The following EYS variants were observed in gnomAD, a reference collection of about 807,000 sequenced individuals.
EYS encodes the protein protein eyes shut homolog.
In EYS, 250 loss-of-function variants were observed where a neutral mutation model predicts 282.1. The ratio of observed to expected loss-of-function variants is 0.89; its 90% CI spans 0.80 to 0.98. The LOEUF is 0.98. Ranked by LOEUF, EYS falls within the 50% of genes least tolerant of loss-of-function variation. The pLI is 0.00. For missense variants in EYS, 4,016 were observed against 3,709.0 expected, an observed-to-expected ratio of 1.08 and a Z score of -2.15; for synonymous variants, 1,355 against 1,282.9, an observed-to-expected ratio of 1.06 and a Z score of -1.20.
At chr6:65,331,681 T>C in intron 11 of EYS, 2 of 979,632 alleles carry the variant, frequency 2.0e-6, no homozygotes, top group Non-Finnish European at 2.4e-6. Flanking sequence ...AAACGAAGGA[T>C]AATTTTCTTA....
intron 14 of EYS, among the ~76,000 whole-genome samples, chr6:64,992,458 A>G (rs1771097036): frequency 6.6e-6 from 1 of 151,878 alleles, no homozygotes; most frequent in Non-Finnish European, 1.5e-5. Context: ...GAAGTTTAAC[A>G]TTTTAGACTA....
At chr6:65,051,999 C>A (rs1033711649) in intron 13 of EYS, among the ~76,000 whole-genome samples, 3 of 151,536 alleles carry the variant, frequency 2.0e-5, no homozygotes, top group Non-Finnish European at 4.4e-5. Context: ...GACACTTCCT[C>A]AATTTTGTCA....
Position 65,483,557 on chromosome 6 carries a change from C to T in EYS, c.862+7037G>A, listed in dbSNP as rs551189599. On this transcript the variant is annotated intron_variant, in intron 5 of 42. Transcript: ENST00000503581. ...ATAATATTGATTATGAATCCAGACT[C>T]ATATTTCAAATAATATATATTAATA... Among the ~76,000 whole-genome samples the T allele has an allele frequency of 2.1e-3, 313 of 152,058 alleles. 2 individuals carry two copies. The highest frequency in any genetic ancestry group is 7.3e-3 in the African/African-American group (302 of 41,496).
intron 11 of EYS, chr6:65,332,506 T>C: frequency 9.2e-7 from 1 of 1,088,606 alleles, no homozygotes; most frequent in Non-Finnish European, 1.4e-6. Flanking sequence ...TTATTCAGAG[T>C]ATATACAATT....
At chr6:64,680,812 T>TG (rs1422523077) in intron 22 of EYS, among the ~76,000 whole-genome samples, 1 of 151,930 alleles carries the variant, frequency 6.6e-6, no homozygotes, top group African/African-American at 2.4e-5. Context: ...CCTGGAGGAG[T>TG]GACTCAGAGA....
intron 9 of EYS, among the ~76,000 whole-genome samples, chr6:65,345,616 T>G (rs1770362291): frequency 6.6e-6 from 1 of 151,818 alleles, no homozygotes; most frequent in African/African-American, 2.4e-5. Flanking sequence ...ACTAGTATTT[T>G]TTTAGAAATT....
intron 11 of EYS, among the ~76,000 whole-genome samples, chr6:65,313,083 A>G (rs184100732): frequency 1.5e-3 from 231 of 152,186 alleles, no homozygotes; most frequent in Non-Finnish European, 2.9e-3. Flanking sequence ...CACACCTCTT[A>G]AAGAGCATCT....
intron 26 of EYS, among the ~76,000 whole-genome samples, chr6:64,545,392 T>A (rs1258732226): frequency 2.6e-5 from 4 of 152,172 alleles, no homozygotes; most frequent in Non-Finnish European, 5.9e-5. Context: ...GAGCTATCTA[T>A]GACAAACCCA....
At position 64,854,003 on chromosome 6, in the gene EYS, T is replaced by A. The variant is rs1404727377; in HGVS notation, c.2993-31181A>T. ...AGCCAACAGACACATGAAAAAATGC[T>A]CATCATCACTGGCCATCAGAGAAAT... On this transcript the variant is annotated intron_variant, in intron 19 of 42. Transcript: ENST00000503581. 4.6e-5 allele frequency among the ~76,000 whole-genome samples: 7 copies of A among 152,094 alleles called. 1 individual carries two copies. Among genetic ancestry groups the A allele is most frequent in the African/African-American group, 1.7e-4 (7 of 41,468 alleles).
At chr6:64,313,439 A>C (rs898327860) in intron 29 of EYS, among the ~76,000 whole-genome samples, 7 of 152,156 alleles carry the variant, frequency 4.6e-5, no homozygotes, top group African/African-American at 1.7e-4. Context: ...GGAGAATGGA[A>C]CCAAATTGGA....
chr6:65,369,306 A>AATATATATATTATATATATATATTTATAT (rs1765040720), intron 8 of EYS, among the ~76,000 whole-genome samples: 2 of 59,874 alleles, frequency 3.3e-5, no homozygotes, highest in African/African-American at 7.0e-5. Context: ...ATTTATGTAT[A>AATATATATATTATATATATATATTTATAT]ATATATATAT....
At chr6:64,928,820 G>C (rs1768602800) in intron 15 of EYS, among the ~76,000 whole-genome samples, 1 of 152,002 alleles carries the variant, frequency 6.6e-6, no homozygotes, top group African/African-American at 2.4e-5. Flanking sequence ...ACCTAATACG[G>C]AATGATTTTT....
At chr6:64,124,722 C>G (rs1457571299) in intron 31 of EYS, among the ~76,000 whole-genome samples, 2 of 152,122 alleles carry the variant, frequency 1.3e-5, no homozygotes, top group African/African-American at 4.8e-5. Context: ...TTCTTGATTA[C>G]TGGTATGTTG....
intron 12 of EYS, among the ~76,000 whole-genome samples, chr6:65,089,134 G>T (rs867000736): frequency 1.3e-5 from 2 of 152,208 alleles, no homozygotes; most frequent in Non-Finnish European, 1.5e-5. Context: ...GAAGGGAAAT[G>T]TGGGATTGGA....
chr6:64,110,180 T>TA (rs144672226), intron 31 of EYS, among the ~76,000 whole-genome samples: 3 of 152,064 alleles, frequency 2.0e-5, no homozygotes, highest in African/African-American at 4.8e-5. Flanking sequence ...TCTTTTTTTT[T>TA]AAAAAGTAAG....
At chr6:64,895,701 G>A (rs1411925964) in intron 18 of EYS, among the ~76,000 whole-genome samples, 1 of 152,114 alleles carries the variant, frequency 6.6e-6, no homozygotes, top group African/African-American at 2.4e-5. Flanking sequence ...GTGAGTGAAA[G>A]ATGAACTTAA....
At chr6:63,948,455 TGATG>T (rs1765464218) in intron 35 of EYS, among the ~76,000 whole-genome samples, 1 of 152,224 alleles carries the variant, frequency 6.6e-6, no homozygotes, top group Non-Finnish European at 1.5e-5. Flanking sequence ...TCAGCTGCAC[TGATG>T]CCTGCCTCCA....
intron 2 of EYS, among the ~76,000 whole-genome samples, chr6:65,550,350 T>A (rs1364480166): frequency 5.9e-5 from 2 of 33,696 alleles, no homozygotes; most frequent in Non-Finnish European, 8.8e-5. Flanking sequence ...TTTTTTTTTT[T>A]ATTATACTCT....
intron 35 of EYS, among the ~76,000 whole-genome samples, chr6:63,865,575 C>T (rs1386145960): frequency 1.3e-5 from 2 of 152,012 alleles, no homozygotes; most frequent in Non-Finnish European, 2.9e-5. Flanking sequence ...GCATAGGTGC[C>T]AGGATCAGCC....
Sources: gnomAD v4.1 joint callset for allele counts (sites outside exome capture counted in the v4.1 genomes callset) on GRCh38, gnomAD v4.1.1 for gene constraint, MANE v1.5 for transcripts, NCBI Gene and HGNC (gene_info 2026-07-23, HGNC 2026-07-21) for gene names.